Variants in BCAR3 observed in about 807,000 individuals in gnomAD.
BCAR3 encodes the protein breast cancer anti-estrogen resistance protein 3.
In BCAR3, 37 loss-of-function variants were observed where a neutral mutation model predicts 80.1. That is an observed-to-expected ratio of 0.46 (90% CI 0.36 to 0.61). The LOEUF is 0.61. Ranked by LOEUF, BCAR3 falls within the 20% of genes least tolerant of loss-of-function variation. The probability of loss-of-function intolerance (pLI) is 0.00; values close to 1 mark genes in which losing one functional copy is unlikely to be tolerated. For missense variants in BCAR3, 978 were observed against 1,068.2 expected (o/e 0.92, Z 1.18); for synonymous variants, 389 against 418.9 (o/e 0.93, Z 0.87).
intron 2 of BCAR3, among the ~76,000 whole-genome samples, chr1:93,727,917 C>A (rs1650648921): frequency 1.3e-5 from 2 of 152,106 alleles, no homozygotes; most frequent in Non-Finnish European, 2.9e-5. Context: ...GTCCTAAATC[C>A]AATGGCAAGT....
At chr1:93,816,159 T>C (rs1371538355) in intron 2 of BCAR3, among the ~76,000 whole-genome samples, 1 of 152,184 alleles carries the variant, frequency 6.6e-6, no homozygotes. Context: ...AATCTAGTGC[T>C]ATACCTGGCA....
intron 3 of BCAR3, among the ~76,000 whole-genome samples, chr1:93,626,793 C>CAGA (rs1230890819): frequency 6.6e-6 from 1 of 152,192 alleles, no homozygotes; most frequent in Non-Finnish European, 1.5e-5. Flanking sequence ...TGCAACAGGA[C>CAGA]ATGCACAGAA....
Position 93,674,927 on chromosome 1 carries a change from C to G in BCAR3, c.4G>C (p.Ala2Pro). The stretch of plus-strand genomic sequence containing the variant: ...GGAAGGCTTGCAAATTTTCCTGCAG[C>G]CATAATTCTCAACTCTAAGGGGGAA... MAAGKFASLPRN... is the reference protein window; with the variant it reads MPAGKFASLPRN... The change falls in exon 2 of 12, where the codon GCT (alanine) becomes CCT (proline). Residue 2 changes from alanine (A) to proline (P), a missense_variant. By Grantham distance (27) the Ala-to-Pro change is conservative. Transcript: ENST00000260502. 1.3e-6 allele frequency: 2 copies of G among 1,548,860 alleles called. No homozygotes were observed. The highest frequency in any genetic ancestry group is 2.5e-5 in the South Asian group (2 of 78,866).
rs1004170367 is a variant in BCAR3, at chr1:93,680,775, G to A, written c.-12+823C>T. 3.9e-5 allele frequency among the ~76,000 whole-genome samples: 6 copies of A among 152,140 alleles called. No individual in the cohort carries two copies. In the East Asian group the frequency reaches 1.2e-3, roughly 29 times the overall value. Reference sequence around the variant, plus strand: ...AACCCCAACCATGACCCGACCCGCCGCCCCACGGAACACGCCGCCTTGCCA... The same window carrying A: ...AACCCCAACCATGACCCGACCCGCCACCCCACGGAACACGCCGCCTTGCCA... On this transcript the variant is annotated intron_variant, in intron 1 of 11. Transcript: ENST00000260502.
At chr1:93,678,389 G>C (rs1347936135) in intron 1 of BCAR3, among the ~76,000 whole-genome samples, 1 of 152,138 alleles carries the variant, frequency 6.6e-6, no homozygotes, top group Non-Finnish European at 1.5e-5. Context: ...CTAGGTGTTG[G>C]GGACAGCATT....
At chr1:93,685,580 T>A (rs1471470185), upstream of BCAR3, among the ~76,000 whole-genome samples, 3 of 152,200 alleles carry the variant, frequency 2.0e-5, no homozygotes, top group East Asian at 5.8e-4. Context: ...TTGTTTCCAA[T>A]CCTTTCTTAT....
intron 2 of BCAR3, among the ~76,000 whole-genome samples, chr1:93,812,076 G>T (rs1405728967): frequency 6.6e-6 from 1 of 152,136 alleles, no homozygotes; most frequent in Non-Finnish European, 1.5e-5. Context: ...AGTAATAAAT[G>T]TCCTGTAAAT....
chr1:93,797,049 T>C (rs1163913912), intron 2 of BCAR3, among the ~76,000 whole-genome samples: 1 of 152,192 alleles, frequency 6.6e-6, no homozygotes, highest in Non-Finnish European at 1.5e-5. Context: ...AGGGCCCATA[T>C]GTTTTCCATA....
intron 2 of BCAR3, among the ~76,000 whole-genome samples, chr1:93,671,605 T>C (rs1252803768): frequency 6.6e-6 from 1 of 152,156 alleles, no homozygotes; most frequent in Non-Finnish European, 1.5e-5. Flanking sequence ...GAATGGTTGG[T>C]GTTTCGCAGC....
chr1:93,751,372 C>T (rs916089446), intron 2 of BCAR3, among the ~76,000 whole-genome samples: 6 of 152,098 alleles, frequency 3.9e-5, no homozygotes, highest in Non-Finnish European at 8.8e-5. Flanking sequence ...TCCCCTGGTT[C>T]CTCTCTTTTC....
chr1:93,598,256 G>A (rs924287593), intron 3 of BCAR3, among the ~76,000 whole-genome samples: 1 of 152,194 alleles, frequency 6.6e-6, no homozygotes, highest in Admixed American at 6.5e-5. Context: ...GACGGGACGG[G>A]GAGGGGTGCA....
At chr1:93,648,158 C>T (rs926009212) in intron 2 of BCAR3, among the ~76,000 whole-genome samples, 2 of 152,178 alleles carry the variant, frequency 1.3e-5, no homozygotes, top group Non-Finnish European at 2.9e-5. Flanking sequence ...ATGGGTCAAT[C>T]AAACACGACA....
intron 3 of BCAR3, among the ~76,000 whole-genome samples, chr1:93,596,094 A>G (rs916763198): frequency 6.6e-6 from 1 of 152,230 alleles, no homozygotes; most frequent in Non-Finnish European, 1.5e-5. Context: ...CTGTGTGGCT[A>G]TCTGTGTCCT....
intron 3 of BCAR3, among the ~76,000 whole-genome samples, chr1:93,602,938 A>G (rs1268127795): frequency 6.6e-6 from 1 of 152,188 alleles, no homozygotes; most frequent in Non-Finnish European, 1.5e-5. Flanking sequence ...TAATTAGTAG[A>G]TTGGTTCTGT....
intron 2 of BCAR3, among the ~76,000 whole-genome samples, chr1:93,826,655 TGAGAAG>T (rs1292216241): frequency 6.6e-6 from 1 of 152,130 alleles, no homozygotes; most frequent in Non-Finnish European, 1.5e-5. Context: ...GAGAATGTTT[TGAGAAG>T]GAAAGTCAGG....
chr1:93,658,905 G>A (rs1427609483), intron 2 of BCAR3, among the ~76,000 whole-genome samples: 2 of 152,192 alleles, frequency 1.3e-5, no homozygotes, highest in African/African-American at 4.8e-5. Flanking sequence ...TGGGGCCCAT[G>A]AGGAACAAAC....
rs147720219 is a variant in BCAR3 at position 93,789,676 on chromosome 1, A to G, written c.-63+55891T>C. On this transcript the variant is annotated intron_variant, in intron 2 of 13. Transcript: ENST00000370244. ...CAAATCAGAATTCTGAAATGTCCTT[A>G]CGCTATTGTTCACCCCTACATGAAG... 3.1e-3 allele frequency among the ~76,000 whole-genome samples: 469 copies of G among 152,328 alleles called. 1 individual carries two copies. The highest frequency in any genetic ancestry group is 0.011 in the African/African-American group (458 of 41,578).
chr1:93,723,977 G>A (rs1388756720), intron 2 of BCAR3, among the ~76,000 whole-genome samples: 1 of 152,194 alleles, frequency 6.6e-6, no homozygotes, highest in African/African-American at 2.4e-5. Flanking sequence ...ACCTCCCTCT[G>A]GGGACCTCAT....
intron 3 of BCAR3, among the ~76,000 whole-genome samples, chr1:93,610,631 G>A (rs1393456369): frequency 6.6e-6 from 1 of 152,130 alleles, no homozygotes; most frequent in Admixed American, 6.5e-5. Context: ...GGCGTCAATT[G>A]TCTTAATATA....
Sources: gnomAD v4.1 joint callset for allele counts (sites outside exome capture counted in the v4.1 genomes callset) on GRCh38, gnomAD v4.1.1 for gene constraint, MANE v1.5 for transcripts, NCBI Gene and HGNC (gene_info 2026-07-23, HGNC 2026-07-21) for gene names.